Variants in GLIS3 observed in about 807,000 individuals in gnomAD.
The protein encoded by GLIS3 is GLIS family zinc finger 3.
In GLIS3, 53 loss-of-function variants were observed where a neutral mutation model predicts 78.6. The observed-to-expected ratio is 0.67, with a 90% CI of 0.54 to 0.85. GLIS3 has a LOEUF of 0.85. GLIS3 is among the 40% of genes least tolerant of loss of function. The pLI is 0.00. For missense variants in GLIS3, 1,703 were observed against 1,231.1 expected (o/e 1.38, Z -5.74); for synonymous variants, 684 against 509.9 (o/e 1.34, Z -4.60).
chr9:4,279,523 G>T (rs1285328374), intron 2 of GLIS3, among the ~76,000 whole-genome samples: 1 of 151,634 alleles, frequency 6.6e-6, no homozygotes, highest in Non-Finnish European at 1.5e-5. Flanking sequence ...CTTAAGGGTG[G>T]TGTCTCTTGT....
At position 4,181,581 on chromosome 9, in the gene GLIS3, T is replaced by C. The variant is rs535367864; in HGVS notation, c.389-55640A>G. Among the ~76,000 whole-genome samples the C allele has an allele frequency of 1.1e-4, 17 of 152,346 alleles. No individual in the cohort carries two copies. In the South Asian group the frequency reaches 3.1e-3, roughly 28 times the overall value. On this transcript the variant is annotated intron_variant, in intron 2 of 10. Transcript: ENST00000381971. ...CACCAAGCCCAGCCCTCTTTCCTTA[T>C]AGAAGCTAAAAGTACTGTACAGTCT...
intron 2 of GLIS3, among the ~76,000 whole-genome samples, chr9:4,226,063 G>A (rs911336528): frequency 2.6e-5 from 4 of 152,104 alleles, no homozygotes; most frequent in Non-Finnish European, 4.4e-5. Flanking sequence ...TCGTTATTCA[G>A]GAATCTGAAT....
intron 4 of GLIS3, among the ~76,000 whole-genome samples, chr9:3,963,810 C>A (rs1013058009): frequency 2.0e-4 from 31 of 151,884 alleles, no homozygotes; most frequent in African/African-American, 7.3e-4. Context: ...GTTCCTGGTA[C>A]AGAAACTGTA....
chr9:4,419,419 C>A, the GLIS3 span, among the ~76,000 whole-genome samples: 1 of 152,072 alleles, frequency 6.6e-6, no homozygotes, highest in African/African-American at 2.4e-5. Flanking sequence ...GGGGAGGCCT[C>A]AGGAAACCTA....
intron 4 of GLIS3, among the ~76,000 whole-genome samples, chr9:4,067,239 G>A (rs910615428): frequency 2.7e-5 from 4 of 150,900 alleles, no homozygotes; most frequent in African/African-American, 9.7e-5. Flanking sequence ...AAGTATAATA[G>A]AAAGTATAAT....
chr9:4,251,531 A>G (rs1243335485), intron 2 of GLIS3, among the ~76,000 whole-genome samples: 1 of 151,436 alleles, frequency 6.6e-6, no homozygotes, highest in Non-Finnish European at 1.5e-5. Flanking sequence ...TCTCCTGAAT[A>G]CAGCACACCA....
intron 6 of GLIS3, among the ~76,000 whole-genome samples, chr9:3,924,155 T>C (rs1180902242): frequency 6.6e-6 from 1 of 152,234 alleles, no homozygotes; most frequent in Non-Finnish European, 1.5e-5. Flanking sequence ...TCTGTTGTGC[T>C]ATTGTCTGAG....
intron 2 of GLIS3, among the ~76,000 whole-genome samples, chr9:4,214,116 A>G (rs1820613363): frequency 6.6e-6 from 1 of 152,236 alleles, no homozygotes; most frequent in Non-Finnish European, 1.5e-5. Context: ...CATAGGCTGC[A>G]TTCTAACACA....
chr9:4,419,333 AAAG>A, the GLIS3 span, among the ~76,000 whole-genome samples: 1 of 152,166 alleles, frequency 6.6e-6, no homozygotes, highest in African/African-American at 2.4e-5. Flanking sequence ...GGTAACTTAA[AAAG>A]AAAAGAGGTT....
At chr9:4,034,322 T>C (rs1588500188) in intron 4 of GLIS3, among the ~76,000 whole-genome samples, 1 of 152,316 alleles carries the variant, frequency 6.6e-6, no homozygotes, top group East Asian at 1.9e-4. Context: ...TCTGTTTCTA[T>C]AATCAAAAGC....
At chr9:4,438,667 G>A in the GLIS3 span, among the ~76,000 whole-genome samples, 1 of 152,188 alleles carries the variant, frequency 6.6e-6, no homozygotes, top group African/African-American at 2.4e-5. Flanking sequence ...GAAGATAATT[G>A]AGTCATGCAA....
At position 4,274,355 on chromosome 9, in the gene GLIS3, T is replaced by C. The variant is rs142863492; in HGVS notation, c.388+11683A>G. 6.9e-3 allele frequency among the ~76,000 whole-genome samples: 1,057 copies of C among 152,206 alleles called. 12 individuals are homozygous for C. The highest frequency in any genetic ancestry group is 0.024 in the African/African-American group (983 of 41,524). ...GTCTCTCTCTGGACTTGTTGGGGTG[T>C]TTTTTCATTTGCTACTTAACATTGA... On this transcript the variant is annotated intron_variant, in intron 2 of 10. Transcript: ENST00000381971.
the GLIS3 span, among the ~76,000 whole-genome samples, chr9:4,371,699 T>G: frequency 1.3e-5 from 2 of 152,200 alleles, no homozygotes; most frequent in South Asian, 4.1e-4. Context: ...TACTCCATTG[T>G]GGCAAAAGTC....
intron 2 of GLIS3, among the ~76,000 whole-genome samples, chr9:4,246,267 C>G (rs1340390487): frequency 6.6e-6 from 1 of 152,164 alleles, no homozygotes; most frequent in Non-Finnish European, 1.5e-5. Flanking sequence ...TTTTAAATAA[C>G]TATTTCATTT....
intron 4 of GLIS3, among the ~76,000 whole-genome samples, chr9:4,067,802 G>GC (rs1554687215): frequency 1.3e-5 from 1 of 76,902 alleles, no homozygotes; most frequent in Non-Finnish European, 2.6e-5. Flanking sequence ...GAACATTAGA[G>GC]CAAAAAAAAA....
chr9:4,312,972 C>G (rs1018734511), intron 2 of GLIS3, among the ~76,000 whole-genome samples: 3 of 152,222 alleles, frequency 2.0e-5, no homozygotes, highest in Admixed American at 2.0e-4. Context: ...AAAATTAAAT[C>G]ACCTCCCCAG....
intron 4 of GLIS3, among the ~76,000 whole-genome samples, chr9:4,308,181 C>G (rs1433518437): frequency 6.6e-6 from 1 of 152,060 alleles, no homozygotes; most frequent in Non-Finnish European, 1.5e-5. Flanking sequence ...AAGCCTTAAC[C>G]CTGCCACCAC....
intron 2 of GLIS3, among the ~76,000 whole-genome samples, chr9:4,156,535 T>C (rs1311554326): frequency 2.6e-5 from 4 of 152,202 alleles, no homozygotes; most frequent in Non-Finnish European, 4.4e-5. Context: ...GGCACAGAGA[T>C]GCTTCAAGGA....
At chr9:4,471,028 C>T in the GLIS3 span, among the ~76,000 whole-genome samples, 2 of 150,522 alleles carry the variant, frequency 1.3e-5, no homozygotes, top group Non-Finnish European at 3.0e-5. Context: ...GAATAAAATA[C>T]CTAGGAATCC....
Sources: gnomAD v4.1 joint callset for allele counts (sites outside exome capture counted in the v4.1 genomes callset) on GRCh38, gnomAD v4.1.1 for gene constraint, MANE v1.5 for transcripts, NCBI Gene and HGNC (gene_info 2026-07-23, HGNC 2026-07-21) for gene names.